Variants in WDFY4 observed in about 807,000 individuals in gnomAD.
WDFY4 encodes WDFY family member 4.
A neutral mutation model predicts 351.9 loss-of-function variants in WDFY4; 169 were observed. That is an observed-to-expected ratio of 0.48 (90% CI 0.42 to 0.55). The LOEUF (loss-of-function observed/expected upper bound fraction) is 0.55, where lower values mean the gene tolerates loss of function less well. WDFY4 is among the 20% of genes least tolerant of loss of function. WDFY4 has a pLI of 0.00. For missense variants in WDFY4, 3,803 were observed against 3,935.6 expected (o/e 0.97, Z 0.90); for synonymous variants, 1,622 against 1,574.6 (o/e 1.03, Z -0.71).
chr10:48,960,435 T>C (rs1841805398), intron 53 of WDFY4, among the ~76,000 whole-genome samples: 2 of 152,306 alleles, frequency 1.3e-5, no homozygotes, highest in African/African-American at 4.8e-5. Flanking sequence ...GATGAAAATG[T>C]GGAGCAACTG....
intron 53 of WDFY4, among the ~76,000 whole-genome samples, chr10:48,960,557 T>A (rs1321984647): frequency 2.6e-5 from 4 of 152,200 alleles, no homozygotes; most frequent in Non-Finnish European, 5.9e-5. Flanking sequence ...TACCCAGCAT[T>A]TTCCCTTGTA....
intron 1 of WDFY4, among the ~76,000 whole-genome samples, chr10:48,702,132 T>A (rs2063495853): frequency 6.6e-6 from 1 of 152,212 alleles, no homozygotes; most frequent in African/African-American, 2.4e-5. Flanking sequence ...CCTGAAAGCT[T>A]ACTTCATAGT....
intron 11 of WDFY4, among the ~76,000 whole-genome samples, chr10:48,740,670 CT>C (rs1283247507): frequency 2.0e-5 from 3 of 152,234 alleles, no homozygotes; most frequent in Non-Finnish European, 4.4e-5. Flanking sequence ...AGGCCACATC[CT>C]CACTCGGGAG....
chr10:48,716,555 A>G (rs1189031244), intron 2 of WDFY4, among the ~76,000 whole-genome samples: 1 of 152,176 alleles, frequency 6.6e-6, no homozygotes, highest in Non-Finnish European at 1.5e-5. Context: ...TTAGTAAATG[A>G]TTGGCTCTGT....
chr10:48,974,527 A>AAAAAAAACAAACAAAACAAC lies in WDFY4; in HGVS notation c.8929-333_8929-332insAAAAACAAACAAAACAACAA. The stretch of plus-strand genomic sequence containing the variant: ...CAAAAAAAAAAAAAAAAAAAAAAAA[A>AAAAAAAACAAACAAAACAAC]AACAACTCATGACATGAACTGCTCC... On this transcript the variant is annotated intron_variant, in intron 57 of 61. Transcript: ENST00000325239. Among the ~76,000 whole-genome samples, 3 of 23,148 alleles carry AAAAAAAACAAACAAAACAAC rather than the reference A, an allele frequency of 1.3e-4. 1 individual carries two copies. Among genetic ancestry groups the AAAAAAAACAAACAAAACAAC allele is most frequent in the Non-Finnish European group, 5.6e-4 (3 of 5,352 alleles). The allele number at this position is 23,148 out of a possible 152,430, so 15.2% of individuals were successfully genotyped here.
In WDFY4 at chr10:48,817,296, G is replaced by A. The variant is rs569179112; in HGVS notation, c.5392G>A (p.Val1798Met). 2.4e-5 allele frequency: 38 copies of A among 1,551,752 alleles called. 1 individual carries two copies. Among genetic ancestry groups the A allele is most frequent in the Admixed American group, 3.9e-5 (2 of 51,010 alleles). Residue 1798 changes from valine (V) to methionine (M), a missense_variant, in exon 32 of 62, where the codon GTG becomes ATG. Coordinates refer to ENST00000325239, the MANE Select transcript of WDFY4 (RefSeq NM_001394531.1). ...GAWAQTFPAS[V>M]LQFLSLVHRT... ...CTGGGCACAGACCTTCCCGGCCAGC[G>A]TGCTGCAGTTCCTCAGCCTCGTCCA...
At chr10:48,703,833 GT>G (rs1239669731) in intron 1 of WDFY4, among the ~76,000 whole-genome samples, 6 of 152,232 alleles carry the variant, frequency 3.9e-5, no homozygotes, top group African/African-American at 1.4e-4. Flanking sequence ...AATGCCTGGT[GT>G]GGGTTGTTAC....
chr10:48,818,934 C>T (rs996143098), intron 32 of WDFY4, among the ~76,000 whole-genome samples: 6 of 152,212 alleles, frequency 3.9e-5, no homozygotes, highest in Non-Finnish European at 8.8e-5. Flanking sequence ...ACAGGCTCCC[C>T]CTCGACACTT....
intron 35 of WDFY4, among the ~76,000 whole-genome samples, chr10:48,825,116 C>T (rs2067951203): frequency 6.6e-6 from 1 of 152,144 alleles, no homozygotes; most frequent in East Asian, 1.9e-4. Context: ...CTCTCCCCAC[C>T]CCACCCACTG....
Position 48,778,705 on chromosome 10 carries a change from G to C in WDFY4, c.3270G>C (p.Leu1090=). 1 of 1,551,678 alleles carries C rather than the reference G, an allele frequency of 6.4e-7. No homozygotes were observed. The highest frequency in any genetic ancestry group is 8.7e-7 in the Non-Finnish European group (1 of 1,147,014). The change falls in exon 18 of 62, where the codon CTG becomes CTC. Residue 1090 remains leucine, a synonymous_variant. Transcript: ENST00000325239. The stretch of plus-strand genomic sequence containing the variant: ...GAGCTGCCACTGAGGGCCACCCGCT[G>C]CGCTTCCTGACGTTGGTGCGCCACC... The part of the protein sequence containing the change: ...RHGAATEGHP[L]RFLTLVRHLA...
At chr10:48,736,480 A>C (rs1370835669) in intron 11 of WDFY4, among the ~76,000 whole-genome samples, 1 of 152,240 alleles carries the variant, frequency 6.6e-6, no homozygotes, top group Non-Finnish European at 1.5e-5. Flanking sequence ...GGATGCTAGG[A>C]AATGTTTTCC....
chr10:48,774,411 A>C lies in WDFY4; in HGVS notation c.2554-47A>C, dbSNP rs746745577. 7.8e-6 allele frequency: 12 copies of C among 1,544,004 alleles called. No individual in the cohort carries two copies. In the Admixed American group the frequency reaches 2.4e-4, roughly 30 times the overall value. On this transcript the variant is annotated intron_variant, in intron 13 of 61. Transcript: ENST00000325239. ...TTGGAGCCTATAAAAGCTGTCCACA[A>C]GGTGTTCTGCCCTGGAGGGCTCACA...
At chr10:48,848,774 G>A (rs118092860) in intron 39 of WDFY4, among the ~76,000 whole-genome samples, 4,463 of 152,300 alleles carry the variant, frequency 0.029, 105 homozygotes, top group Non-Finnish European at 0.038. Context: ...CTACTGCTGT[G>A]GCACCCCGAG....
chr10:48,950,826 G>A (rs770594403), intron 51 of WDFY4, among the ~76,000 whole-genome samples: 15 of 152,244 alleles, frequency 9.9e-5, no homozygotes, highest in Non-Finnish European at 2.2e-4. Context: ...ACTGCAGCAG[G>A]CATGCAGTGT....
chr10:48,857,772 A>AT lies in WDFY4; in HGVS notation c.6664-9487dup, dbSNP rs547396763. Among the ~76,000 whole-genome samples the AT allele has an allele frequency of 1.3e-3, 202 of 151,866 alleles. 1 individual carries two copies. Among genetic ancestry groups the AT allele is most frequent in the East Asian group, 3.7e-3 (19 of 5,162 alleles). Reference sequence around the variant, plus strand: ...CATCTTTTGTACATTTTCTGATGATATTTTTTGTTTTTTACTTGTTGATTT... The same window carrying AT: ...CATCTTTTGTACATTTTCTGATGATATTTTTTTGTTTTTTACTTGTTGATTT... On this transcript the variant is annotated intron_variant, in intron 39 of 61. Transcript: ENST00000325239.
At chr10:48,973,023 A>G (rs1054748507) in intron 57 of WDFY4, among the ~76,000 whole-genome samples, 1 of 152,076 alleles carries the variant, frequency 6.6e-6, no homozygotes, top group African/African-American at 2.4e-5. Context: ...GTGGTGCTGG[A>G]GTCTCCAGGC....
At chr10:48,877,705 A>G (rs1351333968) in intron 43 of WDFY4, among the ~76,000 whole-genome samples, 13 of 152,168 alleles carry the variant, frequency 8.5e-5, no homozygotes, top group Non-Finnish European at 1.9e-4. Flanking sequence ...TTGTGGCACC[A>G]TTAGCCTTCA....
At chr10:48,829,449 TGA>T (rs2068114240) in intron 37 of WDFY4, among the ~76,000 whole-genome samples, 1 of 152,228 alleles carries the variant, frequency 6.6e-6, no homozygotes, top group Non-Finnish European at 1.5e-5. Flanking sequence ...TCTATGTGTT[TGA>T]GAGATTATGC....
chr10:48,848,591 C>T (rs1017717611), intron 39 of WDFY4, among the ~76,000 whole-genome samples: 7 of 152,130 alleles, frequency 4.6e-5, no homozygotes, highest in African/African-American at 1.2e-4. Flanking sequence ...CCAGCTGTGG[C>T]GATTTGGGCC....
Sources: gnomAD v4.1 joint callset for allele counts (sites outside exome capture counted in the v4.1 genomes callset) on GRCh38, gnomAD v4.1.1 for gene constraint, MANE v1.5 for transcripts, NCBI Gene and HGNC (gene_info 2026-07-23, HGNC 2026-07-21) for gene names.